RIN3: variants seen among roughly 807,000 people sequenced by gnomAD.
The protein encoded by RIN3 is Ras and Rab interactor 3.
In RIN3, 54 loss-of-function variants were observed where a neutral mutation model predicts 76.3. The observed-to-expected ratio is 0.71, with a 90% CI of 0.57 to 0.89. The LOEUF is 0.89. RIN3 is among the 40% of genes least tolerant of loss of function. RIN3 has a pLI of 0.00. For missense variants in RIN3, 1,256 were observed against 1,322.1 expected (o/e 0.95, Z 0.78); for synonymous variants, 576 against 564.0 (o/e 1.02, Z -0.30).
In RIN3 at chr14:92,572,177, A is replaced by C. The variant is rs111235795; in HGVS notation, c.250-5183A>C. On this transcript the variant is annotated intron_variant, in intron 2 of 9. Coordinates refer to ENST00000216487, the MANE Select transcript of RIN3 (RefSeq NM_024832.5). The stretch of plus-strand genomic sequence containing the variant: ...TCTTGTGTCCGTCCCTTCTCCCCTG[A>C]GTCTCAGAGTGGGCTTCTTCCCCTG... Among the ~76,000 whole-genome samples, 236 of 152,266 alleles carry C rather than the reference A, an allele frequency of 1.5e-3. 2 individuals are homozygous for C. The highest frequency in any genetic ancestry group is 5.5e-3 in the African/African-American group (228 of 41,546).
At chr14:92,658,120 A>G (rs1887736801) in intron 6 of RIN3, among the ~76,000 whole-genome samples, 1 of 152,212 alleles carries the variant, frequency 6.6e-6, no homozygotes, top group Admixed American at 6.5e-5. Flanking sequence ...GTCCTTGTTC[A>G]ACCCCCAACC....
chr14:92,683,597 G>A (rs1888741821), intron 8 of RIN3, among the ~76,000 whole-genome samples: 1 of 152,164 alleles, frequency 6.6e-6, no homozygotes, highest in Non-Finnish European at 1.5e-5. Context: ...GCCAAGGCAG[G>A]AGGATCACCT....
At chr14:92,602,338 G>T (rs1885377058) in intron 3 of RIN3, among the ~76,000 whole-genome samples, 1 of 152,244 alleles carries the variant, frequency 6.6e-6, no homozygotes, top group South Asian at 2.1e-4. Flanking sequence ...GGAGATGGTG[G>T]CCCACAGGAA....
intron 3 of RIN3, among the ~76,000 whole-genome samples, chr14:92,584,673 C>T (rs539527468): frequency 1.2e-4 from 18 of 152,086 alleles, no homozygotes; most frequent in South Asian, 2.1e-4. Flanking sequence ...GATGAAGGGC[C>T]GAGACTCAAG....
intron 4 of RIN3, among the ~76,000 whole-genome samples, chr14:92,624,680 G>A (rs773236529): frequency 2.6e-5 from 4 of 152,216 alleles, no homozygotes; most frequent in Non-Finnish European, 4.4e-5. Flanking sequence ...AGCATCGAAG[G>A]TAATGGTCTG....
chr14:92,637,406 G>A (rs1431911817), intron 4 of RIN3, among the ~76,000 whole-genome samples: 1 of 152,102 alleles, frequency 6.6e-6, no homozygotes, highest in African/African-American at 2.4e-5. Flanking sequence ...GTATGCGAGC[G>A]ATGGGGAGCA....
chr14:92,610,707 G>A (rs552259725), intron 3 of RIN3, among the ~76,000 whole-genome samples: 41 of 152,282 alleles, frequency 2.7e-4, no homozygotes, highest in African/African-American at 9.6e-4. Flanking sequence ...CTCTGTGCAG[G>A]ACAAACAGCA....
At chr14:92,625,063 G>C (rs1886307102) in intron 4 of RIN3, among the ~76,000 whole-genome samples, 5 of 152,230 alleles carry the variant, frequency 3.3e-5, no homozygotes, top group Admixed American at 3.3e-4. Flanking sequence ...AGTCCTAAGG[G>C]AAGATAAGGT....
At chr14:92,610,291 T>G (rs1375131122) in intron 3 of RIN3, among the ~76,000 whole-genome samples, 4 of 152,180 alleles carry the variant, frequency 2.6e-5, no homozygotes, top group Admixed American at 6.5e-5. Context: ...AAAAAGAGAA[T>G]GAATGAAGCC....
intron 1 of RIN3, among the ~76,000 whole-genome samples, chr14:92,548,256 A>G (rs1397513529): frequency 6.6e-6 from 1 of 152,026 alleles, no homozygotes; most frequent in Non-Finnish European, 1.5e-5. Flanking sequence ...CAAGAGCTGG[A>G]AGAGTAGAGT....
At chr14:92,569,640 G>A (rs1178197487) in intron 2 of RIN3, among the ~76,000 whole-genome samples, 6 of 151,408 alleles carry the variant, frequency 4.0e-5, no homozygotes, top group African/African-American at 1.5e-4. Flanking sequence ...GTCCATGTCC[G>A]AACAAAGTGA....
intron 7 of RIN3, among the ~76,000 whole-genome samples, chr14:92,673,329 C>T (rs567361125): frequency 6.6e-6 from 1 of 152,162 alleles, no homozygotes; most frequent in Non-Finnish European, 1.5e-5. Flanking sequence ...ATGACCAATA[C>T]TGCCATGAAC....
At chr14:92,660,914 C>T (rs1887858700) in intron 7 of RIN3, among the ~76,000 whole-genome samples, 1 of 152,230 alleles carries the variant, frequency 6.6e-6, no homozygotes, top group Non-Finnish European at 1.5e-5. Context: ...AGTGAGCAGA[C>T]TGTGTACCTG....
In RIN3 at chr14:92,656,152, G is replaced by A. The variant is rs954946719; in HGVS notation, c.2027-3009G>A. On this transcript the variant is annotated intron_variant, in intron 6 of 9. Coordinates refer to ENST00000216487, the MANE Select transcript of RIN3 (RefSeq NM_024832.5). This position sits in a 1 kb window ranked among gnomAD's most constrained non-coding sequence, Gnocchi z 5.2. The stretch of plus-strand genomic sequence containing the variant: ...GTGGTCAGCCCTGCCTTCCAGAGTT[G>A]GGGGAGTGTAAGAGCTGAGGCCCAA... Among the ~76,000 whole-genome samples the A allele has an allele frequency of 6.6e-6, 1 of 152,198 alleles. No homozygotes were observed. Among genetic ancestry groups the A allele is most frequent in the African/African-American group, 2.4e-5 (1 of 41,442 alleles).
At chr14:92,678,245 T>G (rs2140171740) in intron 8 of RIN3, among the ~76,000 whole-genome samples, 1 of 134,864 alleles carries the variant, frequency 7.4e-6, no homozygotes, top group South Asian at 2.8e-4. Context: ...CATCCACTCA[T>G]CCACCTAACC....
chr14:92,653,026 C>T lies in RIN3; in HGVS notation c.1977C>T (p.Thr659=), dbSNP rs1008316545. The part of the protein sequence containing the change: ...TQLKSYLLQS[T]ELKALVDPAL... ...TCAAGAGCTACCTGCTGCAGAGCAC[C>T]GAGCTCAAGGCCCTGGTGGACCCCG... The change falls in exon 6 of 10, where the codon ACC becomes ACT. Residue 659 remains threonine (T), a synonymous_variant. Transcript: ENST00000216487. 21 of 1,610,376 alleles carry T rather than the reference C, an allele frequency of 1.3e-5. No individual in the cohort carries two copies. Among genetic ancestry groups the T allele is most frequent in the African/African-American group, 6.7e-5 (5 of 74,912 alleles).
intron 3 of RIN3, among the ~76,000 whole-genome samples, chr14:92,609,132 T>C (rs1885630992): frequency 6.6e-6 from 1 of 152,196 alleles, no homozygotes; most frequent in Non-Finnish European, 1.5e-5. Flanking sequence ...AGTAAGAACA[T>C]ATGATATATA....
At chr14:92,529,954 G>A (rs1264767856) in intron 1 of RIN3, among the ~76,000 whole-genome samples, 1 of 152,182 alleles carries the variant, frequency 6.6e-6, no homozygotes, top group Non-Finnish European at 1.5e-5. Context: ...ATAAAACAAG[G>A]TTATGTATTG....
chr14:92,531,577 G>A lies in RIN3; in HGVS notation c.44+17601G>A, dbSNP rs538524101. On this transcript the variant is annotated intron_variant, in intron 1 of 9. Transcript: ENST00000216487. ...GTCAAGAAGCGTCAGGACTGTAGTC[G>A]GCCTGGGGTGGGCACATGATACGCT... 7.2e-5 allele frequency among the ~76,000 whole-genome samples: 11 copies of A among 152,306 alleles called. No homozygotes were observed. In the South Asian group the frequency reaches 8.3e-4, roughly 11 times the overall value.
Sources: allele counts gnomAD v4.1 joint callset (sites outside exome capture counted in the v4.1 genomes callset), GRCh38; gene constraint gnomAD v4.1.1; non-coding constraint Gnocchi (gnomAD v3.1); transcripts MANE v1.5; gene names NCBI Gene and HGNC (gene_info 2026-07-23, HGNC 2026-07-21).